SYNE1: variants seen among roughly 807,000 people sequenced by gnomAD.
SYNE1 encodes nesprin-1.
Under a neutral mutation model 1,111.0 loss-of-function variants are expected in SYNE1, and 616 were observed. The observed-to-expected ratio is 0.55, with a 90% CI of 0.52 to 0.59. SYNE1 has a LOEUF of 0.59. Ranked by LOEUF, SYNE1 falls within the 20% of genes least tolerant of loss-of-function variation. The probability of loss-of-function intolerance (pLI) is 0.00; values close to 1 mark genes in which losing one functional copy is unlikely to be tolerated. For missense variants in SYNE1, 10,006 were observed against 10,417.0 expected (o/e 0.96, Z 1.72); for synonymous variants, 3,855 against 3,825.8 (o/e 1.01, Z -0.28).
At position 152,206,211 on chromosome 6, in the gene SYNE1, A is replaced by C; in HGVS notation, c.22976T>G (p.Met7659Arg). ...TTTTTTCTTCTGTTCTTCCAGCCGC[A>C]TGCTGGCTGATTTCCATTTCTCTTG... ...EIQEKWKSAS[M>R]RLEEQKKKLA... The change falls in exon 126 of 146, where the codon ATG (methionine) becomes AGG (arginine). Residue 7659 changes from methionine (M) to arginine (R), a missense_variant. By Grantham distance (91) the Met-to-Arg change is moderately conservative. Coordinates refer to ENST00000367255, the MANE Select transcript of SYNE1 (RefSeq NM_182961.4). 1 of 1,613,846 alleles carries C rather than the reference A, an allele frequency of 6.2e-7. No homozygotes were observed. The highest frequency in any genetic ancestry group is 8.5e-7 in the Non-Finnish European group (1 of 1,180,026).
In SYNE1 at chr6:152,323,554, C is replaced by T. The variant is rs1322082202; in HGVS notation, c.15841G>A (p.Asp5281Asn). The change falls in exon 82 of 146, where the codon GAT (aspartate) becomes AAT (asparagine). Residue 5281 changes from aspartate (D) to asparagine (N), a missense_variant. Transcript: ENST00000367255. ...TCCCCAGGGGTTGGGGCGGCTCCAT[C>T]CTGGAGCATGCTCAGGGTTTGCTGC... ...LRQQTLSMLQ[D>N]GAAPTPGEEP... The T allele has an allele frequency of 3.1e-6, 5 of 1,614,248 alleles. No homozygotes were observed. Among genetic ancestry groups the T allele is most frequent in the East Asian group, 2.2e-5 (1 of 44,884 alleles).
chr6:152,279,157 T>C (rs1054241652), intron 97 of SYNE1, among the ~76,000 whole-genome samples: 10 of 147,266 alleles, frequency 6.8e-5, no homozygotes, highest in Non-Finnish European at 1.4e-4. Context: ...CTTTTTTTTT[T>C]TTTTTTTTTG....
chr6:152,444,555 A>T lies in SYNE1; in HGVS notation c.3693T>A (p.Phe1231Leu). Residue 1231 changes from phenylalanine (F) to leucine (L), a missense_variant, in exon 30 of 146, where the codon TTT becomes TTA. By Grantham distance (22) the Phe-to-Leu change is conservative (BLOSUM62 0). Around this residue, in one of 7 missense-constraint regions of SYNE1, gnomAD observed 1,971 missense variants for 2,084.1 expected, o/e 0.95. Transcript: ENST00000367255. The part of the protein sequence containing the change: ...LSEVEKMLSN[F>L]GDCVQYKEIV... Reference sequence around the variant, plus strand: ...TTTCTTTGTACTGGACACAGTCCCCAAAATTGCTTAGCATCTTTTCAACCT... The same window carrying T: ...TTTCTTTGTACTGGACACAGTCCCCTAAATTGCTTAGCATCTTTTCAACCT... 2 of 1,612,838 alleles carry T rather than the reference A, an allele frequency of 1.2e-6. No homozygotes were observed. The highest frequency in any genetic ancestry group is 1.1e-5 in the South Asian group (1 of 90,810).
At chr6:152,179,536 C>T (rs2067343375) in intron 129 of SYNE1, 1 of 151,058 alleles carries the variant, frequency 6.6e-6, no homozygotes, top group African/African-American at 2.4e-5. Context: ...TAAAGGGTTC[C>T]TACTGAACAG....
chr6:152,380,194 A>G (rs2097378657), intron 56 of SYNE1, among the ~76,000 whole-genome samples: 1 of 152,250 alleles, frequency 6.6e-6, no homozygotes, highest in African/African-American at 2.4e-5. Flanking sequence ...TGCTGGAAAT[A>G]CTACATGACT....
intron 39 of SYNE1, 123 bp from the exon 40 acceptor site, chr6:152,419,845 A>G: frequency 1.1e-6 from 1 of 941,504 alleles, no homozygotes; most frequent in Non-Finnish European, 1.6e-6. Context: ...AACACTCTAT[A>G]CCTCTTGATA....
At chr6:152,577,304 C>G (rs1395084866) in intron 3 of SYNE1, among the ~76,000 whole-genome samples, 1 of 152,182 alleles carries the variant, frequency 6.6e-6, no homozygotes, top group Non-Finnish European at 1.5e-5. Flanking sequence ...ACAATTGAGT[C>G]TAAGAAATGA....
intron 125 of SYNE1, among the ~76,000 whole-genome samples, chr6:152,207,196 T>C (rs927050924): frequency 1.3e-5 from 2 of 152,100 alleles, no homozygotes; most frequent in Non-Finnish European, 2.9e-5. Flanking sequence ...ATTCCTAGAC[T>C]AATGGCACTT....
At chr6:152,377,148 G>A (rs2097295483) in intron 56 of SYNE1, among the ~76,000 whole-genome samples, 1 of 152,062 alleles carries the variant, frequency 6.6e-6, no homozygotes, top group Admixed American at 6.6e-5. Context: ...ATACTGCAAA[G>A]TAGTTAAGTG....
At position 152,463,431 on chromosome 6, in the gene SYNE1, C is replaced by T. The variant is rs2098745931; in HGVS notation, c.2019G>A (p.Glu673=). ...GCTGCTTCAGGTCACGGGAAACCATCTCATCACAGGTTTCAATTAGAAAAT... is the reference window on the plus strand; with the variant it reads ...GCTGCTTCAGGTCACGGGAAACCATTTCATCACAGGTTTCAATTAGAAAAT... ...AGNFLIETCD[E]MVSRDLKQQL... Residue 673 remains glutamate (E), a synonymous_variant, in exon 19 of 146, where the codon GAG becomes GAA. Transcript: ENST00000367255. 5.0e-6 allele frequency: 8 copies of T among 1,613,676 alleles called. No homozygotes were observed. The highest frequency in any genetic ancestry group is 1.3e-5 in the African/African-American group (1 of 74,884).
chr6:152,156,833 CTTTT>C (rs752022778), intron 131 of SYNE1, among the ~76,000 whole-genome samples: 1 of 146,168 alleles, frequency 6.8e-6, no homozygotes, highest in African/African-American at 2.5e-5. Flanking sequence ...CAAAGATTTA[CTTTT>C]TTTTTTTTGG....
At position 152,151,683 on chromosome 6, in the gene SYNE1, A is replaced by G. The variant is rs774597248; in HGVS notation, c.24320T>C (p.Ile8107Thr). The G allele has an allele frequency of 3.7e-6, 6 of 1,614,096 alleles. No homozygotes were observed. Among genetic ancestry groups the G allele is most frequent in the East Asian group, 4.5e-5 (2 of 44,890 alleles). Residue 8107 changes from isoleucine (I) to threonine (T), a missense_variant, in exon 135 of 146, where the codon ATT becomes ACT. Physicochemically the swap from Ile to Thr is moderately conservative, Grantham distance 89. Coordinates refer to ENST00000367255, the MANE Select transcript of SYNE1 (RefSeq NM_182961.4). ...AGTCTCAAACTCCTCACGCTGGCCA[A>G]TAAAATGCTGGAAGGCAAGAGGAAA... ...TSILRRLKHF[I>T]GQREEFETAR...
chr6:152,192,425 C>T (rs906785656), intron 127 of SYNE1, among the ~76,000 whole-genome samples: 18 of 130,016 alleles, frequency 1.4e-4, no homozygotes, highest in African/African-American at 5.4e-4. Flanking sequence ...TACCTGGATA[C>T]ATGAGCATAC....
intron 130 of SYNE1, among the ~76,000 whole-genome samples, chr6:152,171,929 C>T (rs900468017): frequency 6.6e-6 from 1 of 152,192 alleles, no homozygotes; most frequent in African/African-American, 2.4e-5. Flanking sequence ...CATTTGCCAA[C>T]CTCTGCCCTA....
chr6:152,636,683 A>G lies in SYNE1; in HGVS notation c.-269T>C, dbSNP rs1050639824. 2.0e-5 allele frequency: 3 copies of G among 152,354 alleles called. No homozygotes were observed. Among genetic ancestry groups the G allele is most frequent in the Non-Finnish European group, 4.4e-5 (3 of 68,070 alleles). The allele number at this position is 152,354 out of a possible 1,614,324, so 9.4% of individuals were successfully genotyped here. ...AGTTTCCCAGCAGCAAGGCGAAGCG[A>G]GCGAACGCTTCCTCCCGGCTCTCTG... On this transcript the variant is annotated 5_prime_UTR_variant, in exon 2 of 146. Transcript: ENST00000367255.
chr6:152,635,781 C>T (rs1435670951), intron 2 of SYNE1, among the ~76,000 whole-genome samples: 2 of 152,172 alleles, frequency 1.3e-5, no homozygotes, highest in Admixed American at 6.5e-5. Flanking sequence ...CACCCCAAAA[C>T]GAAAAGCTCA....
At position 152,221,827 on chromosome 6, in the gene SYNE1, T is replaced by C. The variant is rs9383977; in HGVS notation, c.21523-268A>G. On this transcript the variant is annotated intron_variant, in intron 117 of 145. Coordinates refer to ENST00000367255, the MANE Select transcript of SYNE1 (RefSeq NM_182961.4). ...ATTCTGCTGAAAAACTCACATAGGGTGCCCTTGTCCATTGTCTGGTAGGAA... is the reference window on the plus strand; with the variant it reads ...ATTCTGCTGAAAAACTCACATAGGGCGCCCTTGTCCATTGTCTGGTAGGAA... Among the ~76,000 whole-genome samples the C allele has an allele frequency of 0.32, 48,950 of 151,998 alleles. 8,352 individuals carry two copies. The highest frequency in any genetic ancestry group is 0.56 in the East Asian group (2,891 of 5,138).
chr6:152,244,615 T>C lies in SYNE1; in HGVS notation c.19614A>G (p.Ala6538=), dbSNP rs777904179. ...CACGCCTCTTTAATTCAATGATTCC[T>C]GCATCAAATTCTTTGAGTCCATCTT... ...QAEDGLKEFD[A]GIIELKRRGD... The change falls in exon 106 of 146, where the codon GCA becomes GCG. Residue 6538 remains alanine, a synonymous_variant. Coordinates refer to ENST00000367255, the MANE Select transcript of SYNE1 (RefSeq NM_182961.4). 3 of 1,614,058 alleles carry C rather than the reference T, an allele frequency of 1.9e-6. No homozygotes were observed. In the South Asian group the frequency reaches 3.3e-5, roughly 18 times the overall value.
chr6:152,326,665 T>A (rs758075847), intron 78 of SYNE1, 32 bp from the exon 79 acceptor site: 13 of 1,593,468 alleles, frequency 8.2e-6, no homozygotes, highest in Non-Finnish European at 1.1e-5. Context: ...CATAATCAAC[T>A]CTCCTTTGCA....
Sources: allele counts gnomAD v4.1 joint callset (sites outside exome capture counted in the v4.1 genomes callset), GRCh38; gene constraint gnomAD v4.1.1; regional missense constraint gnomAD v4.1.1; transcripts MANE v1.5; gene names NCBI Gene and HGNC (gene_info 2026-07-23, HGNC 2026-07-21).